Variants in GRIP1 observed in about 807,000 individuals in gnomAD.
The protein encoded by GRIP1 is glutamate receptor interacting protein 1.
GRIP1 carries 45 observed loss-of-function variants against 129.9 expected under a neutral mutation model. The ratio of observed to expected loss-of-function variants is 0.35; its 90% CI spans 0.27 to 0.44. GRIP1 has a LOEUF of 0.44. Among genes scored for constraint, GRIP1 ranks in the 20% least tolerant of loss-of-function variants. GRIP1 has a pLI of 1.00. For synonymous variants in GRIP1, 530 were observed against 520.8 expected, an observed-to-expected ratio of 1.02 and a Z score of -0.24; for missense variants, 1,196 against 1,396.8, an observed-to-expected ratio of 0.86 and a Z score of 2.29.
At chr12:66,989,171 A>C (rs1402411570) in intron 1 of GRIP1, among the ~76,000 whole-genome samples, 1 of 152,200 alleles carries the variant, frequency 6.6e-6, no homozygotes, top group Non-Finnish European at 1.5e-5. Flanking sequence ...GGTCACAGGA[A>C]ATTTCCAACC....
At chr12:67,004,753 T>C (rs2042602582) in intron 1 of GRIP1, among the ~76,000 whole-genome samples, 3 of 152,148 alleles carry the variant, frequency 2.0e-5, no homozygotes, top group Admixed American at 2.0e-4. Context: ...TAACTTTTTT[T>C]AAAGTTTAAA....
chr12:66,467,409 G>A (rs945251013), intron 7 of GRIP1, among the ~76,000 whole-genome samples: 1 of 152,118 alleles, frequency 6.6e-6, no homozygotes, highest in Non-Finnish European at 1.5e-5. Flanking sequence ...CTCATTTGCT[G>A]CTTTGTTTCT....
intron 1 of GRIP1, among the ~76,000 whole-genome samples, chr12:66,800,673 C>T (rs899439543): frequency 4.6e-5 from 7 of 152,028 alleles, no homozygotes; most frequent in Non-Finnish European, 1.0e-4. Context: ...ATTACCATAA[C>T]ACAGTATTTA....
intron 15 of GRIP1, among the ~76,000 whole-genome samples, chr12:66,415,163 A>G (rs1176907835): frequency 1.3e-5 from 2 of 152,110 alleles, no homozygotes; most frequent in Admixed American, 6.5e-5. Flanking sequence ...GAGCTTATGC[A>G]CAGCAAAAGA....
At chr12:66,769,225 A>AAT (rs1555235138) in intron 1 of GRIP1, among the ~76,000 whole-genome samples, 1 of 144,814 alleles carries the variant, frequency 6.9e-6, no homozygotes, top group East Asian at 2.1e-4. Context: ...CCAAATGGAA[A>AAT]TTTTTTTTTT....
chr12:66,788,125 T>C (rs934399720), intron 1 of GRIP1, among the ~76,000 whole-genome samples: 19 of 152,054 alleles, frequency 1.2e-4, no homozygotes, highest in African/African-American at 4.6e-4. Flanking sequence ...TCAAGACTAT[T>C]TAGAAAGCAA....
In GRIP1 at chr12:66,541,962, A is replaced by C; in HGVS notation, c.137-12T>G. 1.2e-6 allele frequency: 2 copies of C among 1,613,258 alleles called. No homozygotes were observed. Among genetic ancestry groups the C allele is most frequent in the South Asian group, 1.1e-5 (1 of 91,050 alleles). On this transcript the variant is annotated splice_polypyrimidine_tract_variant and intron_variant, in intron 2 of 24. Transcript: ENST00000359742. ...GCCCTTGAATTCCTCTGTTAAAAGA[A>C]AAGCATTTGCCTTATTAAAATGAGA... is the stretch of plus-strand genomic sequence containing the variant.
chr12:66,824,267 C>G (rs956117552), intron 1 of GRIP1, among the ~76,000 whole-genome samples: 2 of 152,076 alleles, frequency 1.3e-5, no homozygotes, highest in Non-Finnish European at 2.9e-5. Flanking sequence ...TGCAAAGAAG[C>G]AGTAGTTACT....
intron 7 of GRIP1, among the ~76,000 whole-genome samples, chr12:66,503,783 G>A (rs550087108): frequency 1.3e-5 from 2 of 152,276 alleles, no homozygotes; most frequent in South Asian, 2.1e-4. Flanking sequence ...AAGCTTGGGG[G>A]AGCCTACAGT....
At chr12:66,373,791 T>C (rs2055650045) in intron 22 of GRIP1, among the ~76,000 whole-genome samples, 1 of 152,208 alleles carries the variant, frequency 6.6e-6, no homozygotes, top group Admixed American at 6.5e-5. Context: ...CCCATACAGA[T>C]TGCATGTAGA....
chr12:66,846,088 G>A (rs1218328387), intron 1 of GRIP1, among the ~76,000 whole-genome samples: 1 of 152,118 alleles, frequency 6.6e-6, no homozygotes, highest in Non-Finnish European at 1.5e-5. Flanking sequence ...CTCCCTCCCT[G>A]CAAGAAGTAT....
intron 1 of GRIP1, among the ~76,000 whole-genome samples, chr12:66,817,073 C>T (rs1373766247): frequency 6.6e-6 from 1 of 151,956 alleles, no homozygotes; most frequent in Non-Finnish European, 1.5e-5. Flanking sequence ...CCAAGTCAAA[C>T]AAAATTAAGC....
chr12:66,791,198 C>T (rs977065514), intron 1 of GRIP1, among the ~76,000 whole-genome samples: 8 of 152,098 alleles, frequency 5.3e-5, no homozygotes, highest in Non-Finnish European at 5.9e-5. Flanking sequence ...CAGGAAAGTA[C>T]GTGCTGCATA....
At chr12:66,689,813 A>T (rs2034914368) in intron 1 of GRIP1, among the ~76,000 whole-genome samples, 1 of 152,134 alleles carries the variant, frequency 6.6e-6, no homozygotes, top group African/African-American at 2.4e-5. Flanking sequence ...TTTGATCAAC[A>T]TCTCCCCATT....
intron 13 of GRIP1, among the ~76,000 whole-genome samples, chr12:66,441,386 C>T (rs1330315530): frequency 6.6e-6 from 1 of 151,770 alleles, no homozygotes; most frequent in Non-Finnish European, 1.5e-5. Context: ...CCCTTTCTTA[C>T]TGCCACTCTT....
chr12:66,394,426 A>G (rs1435072982), intron 16 of GRIP1, 74 bp from the exon 17 acceptor site: 3 of 1,241,140 alleles, frequency 2.4e-6, no homozygotes, highest in East Asian at 2.3e-5. Context: ...AGATTCATAC[A>G]TAAAAGAATT....
rs1176246454 is a variant in GRIP1, at chr12:67,053,916, A to G, written c.58+15134T>C. Among the ~76,000 whole-genome samples, 5 of 152,352 alleles carry G rather than the reference A, an allele frequency of 3.3e-5. No homozygotes were observed. In the Middle Eastern group the frequency reaches 0.017, roughly 518 times the overall value. On this transcript the variant is annotated intron_variant, in intron 1 of 1. Transcript: ENST00000643019. Reference sequence around the variant, plus strand: ...AATCATGTGGATCCTCAACAGAGGTATATTTTAGCAGAAATAATTTGAAAA... The same window carrying G: ...AATCATGTGGATCCTCAACAGAGGTGTATTTTAGCAGAAATAATTTGAAAA...
chr12:66,776,774 T>A (rs1052220942), intron 1 of GRIP1, among the ~76,000 whole-genome samples: 16 of 152,216 alleles, frequency 1.1e-4, no homozygotes, highest in Non-Finnish European at 4.4e-5. Flanking sequence ...CTTATTAGAT[T>A]GGCAGAAGTA....
At chr12:66,607,969 T>C (rs1335831637) in intron 1 of GRIP1, among the ~76,000 whole-genome samples, 6 of 152,160 alleles carry the variant, frequency 3.9e-5, no homozygotes, top group African/African-American at 1.4e-4. Flanking sequence ...GCCAGTGTCA[T>C]TATACACCAT....
Sources: gnomAD v4.1 joint callset for allele counts (sites outside exome capture counted in the v4.1 genomes callset) on GRCh38, gnomAD v4.1.1 for gene constraint, MANE v1.5 for transcripts, NCBI Gene and HGNC (gene_info 2026-07-23, HGNC 2026-07-21) for gene names.